CHCHD6: variants seen among roughly 807,000 people sequenced by gnomAD.
CHCHD6 encodes the protein coiled-coil-helix-coiled-coil-helix domain containing 6.
CHCHD6 carries 28 observed loss-of-function variants against 32.3 expected under a neutral mutation model. That is an observed-to-expected ratio of 0.87 (90% confidence interval 0.64 to 1.19). The LOEUF (loss-of-function observed/expected upper bound fraction) is 1.19. Ranked by LOEUF, CHCHD6 falls within the 50% of genes most tolerant of loss-of-function variation. The pLI, the probability that CHCHD6 is intolerant of heterozygous loss-of-function variation, is 0.00. For synonymous variants in CHCHD6, 122 were observed against 117.5 expected (o/e 1.04, Z -0.25); for missense variants, 333 against 307.0 (o/e 1.08, Z -0.63).
At chr3:126,810,585 A>T (rs1261908377) in intron 4 of CHCHD6, among the ~76,000 whole-genome samples, 2 of 152,258 alleles carry the variant, frequency 1.3e-5, no homozygotes, top group African/African-American at 2.4e-5. Context: ...AGAAACAAAC[A>T]GAAAAACTGG....
At chr3:126,799,009 G>C (rs146379425) in intron 4 of CHCHD6, among the ~76,000 whole-genome samples, 8 of 152,176 alleles carry the variant, frequency 5.3e-5, no homozygotes, top group Admixed American at 4.6e-4. Context: ...TATGCCCTCT[G>C]GTGCTGGTGA....
At chr3:126,779,574 G>T (rs1028077974) in intron 4 of CHCHD6, among the ~76,000 whole-genome samples, 1 of 149,592 alleles carries the variant, frequency 6.7e-6, no homozygotes, top group African/African-American at 2.5e-5. Flanking sequence ...TATAGTTTTA[G>T]CTCTTATATT....
At chr3:126,804,913 T>C (rs1425750748) in intron 4 of CHCHD6, among the ~76,000 whole-genome samples, 1 of 152,014 alleles carries the variant, frequency 6.6e-6, no homozygotes, top group African/African-American at 2.4e-5. Context: ...AATCAATAAA[T>C]GTAATCCAGC....
chr3:126,828,064 T>C (rs886659914), intron 4 of CHCHD6, among the ~76,000 whole-genome samples: 4 of 152,132 alleles, frequency 2.6e-5, no homozygotes, highest in African/African-American at 9.7e-5. Context: ...CTCCTTGGCC[T>C]TGTCCCTCTC....
At chr3:126,817,249 G>A (rs1939947084) in intron 4 of CHCHD6, among the ~76,000 whole-genome samples, 1 of 151,942 alleles carries the variant, frequency 6.6e-6, no homozygotes. Flanking sequence ...CTAGAAGCCA[G>A]CAGATCCTTG....
At chr3:126,925,761 C>T (rs1476945896) in intron 6 of CHCHD6, among the ~76,000 whole-genome samples, 2 of 152,226 alleles carry the variant, frequency 1.3e-5, no homozygotes, top group Admixed American at 6.5e-5. Context: ...AACCCCTGCT[C>T]CAGCACCGGG....
chr3:126,716,065 C>T (rs1935000472), intron 1 of CHCHD6, among the ~76,000 whole-genome samples: 1 of 152,176 alleles, frequency 6.6e-6, no homozygotes, highest in Admixed American at 6.5e-5. Context: ...TGCTACCAGC[C>T]CCTTCGTGAT....
chr3:126,815,436 A>C (rs1332507784), intron 4 of CHCHD6, among the ~76,000 whole-genome samples: 3 of 152,104 alleles, frequency 2.0e-5, no homozygotes, highest in Non-Finnish European at 2.9e-5. Flanking sequence ...GTGCTCTCCT[A>C]GTGTGCCCTT....
intron 4 of CHCHD6, among the ~76,000 whole-genome samples, chr3:126,851,350 C>A (rs960751134): frequency 6.6e-6 from 1 of 152,188 alleles, no homozygotes; most frequent in Non-Finnish European, 1.5e-5. Flanking sequence ...TGATTCAAAC[C>A]CATGTGCTGA....
chr3:126,806,745 A>G (rs1939403450), intron 4 of CHCHD6, among the ~76,000 whole-genome samples: 1 of 152,122 alleles, frequency 6.6e-6, no homozygotes, highest in Non-Finnish European at 1.5e-5. Flanking sequence ...AGACATATGC[A>G]CATGTATGTT....
At chr3:126,863,433 C>CTCT (rs1942046780) in intron 5 of CHCHD6, among the ~76,000 whole-genome samples, 1 of 142,736 alleles carries the variant, frequency 7.0e-6, no homozygotes, top group Non-Finnish European at 1.5e-5. Context: ...CCTCCTCCTC[C>CTCT]ACCATCACCT....
chr3:126,772,541 T>C (rs1937562723), intron 4 of CHCHD6, among the ~76,000 whole-genome samples: 1 of 152,188 alleles, frequency 6.6e-6, no homozygotes, highest in Non-Finnish European at 1.5e-5. Context: ...TGTTTTCTCT[T>C]AGATTAGGAT....
At chr3:126,851,543 G>A (rs1044007738) in intron 4 of CHCHD6, among the ~76,000 whole-genome samples, 6 of 152,210 alleles carry the variant, frequency 3.9e-5, no homozygotes, top group Admixed American at 2.0e-4. Flanking sequence ...AGCAGTTGGT[G>A]TTATTCCTCC....
At chr3:126,704,421 G>C (rs762633231) in intron 1 of CHCHD6, 22 bp downstream of exon 1, 3 of 1,487,206 alleles carry the variant, frequency 2.0e-6, no homozygotes, top group Non-Finnish European at 2.7e-6. Flanking sequence ...CGCCTGGGCC[G>C]GGGCGGGCGT....
At chr3:126,766,753 CG>C in intron 4 of CHCHD6, 1 of 1,142,334 alleles carries the variant, frequency 8.8e-7, no homozygotes, top group Non-Finnish European at 1.3e-6. Flanking sequence ...GGTAGATTCA[CG>C]GGAGGTGTTG....
chr3:126,704,676 C>T (rs1466666889), intron 1 of CHCHD6, among the ~76,000 whole-genome samples: 1 of 152,170 alleles, frequency 6.6e-6, no homozygotes, highest in Non-Finnish European at 1.5e-5. Flanking sequence ...CGTCCTGGCT[C>T]CGGTCGGCTT....
In CHCHD6 at chr3:126,772,864, A is replaced by G. The variant is rs117564593; in HGVS notation, c.411+39642A>G. 1.2e-4 allele frequency among the ~76,000 whole-genome samples: 18 copies of G among 152,316 alleles called. No homozygotes were observed. The East Asian group carries it at 3.3e-3, about 28-fold the overall frequency. On this transcript the variant is annotated intron_variant, in intron 4 of 7. Coordinates refer to ENST00000290913, the MANE Select transcript of CHCHD6 (RefSeq NM_032343.3). ...TTGGTGTGTTTTTGTAGTGGCCAGT[A>G]ATAGTCTTTCCTTTCAATATTTGGT...
chr3:126,865,781 A>G (rs904752611), intron 5 of CHCHD6: 17 of 963,550 alleles, frequency 1.8e-5, no homozygotes, highest in Non-Finnish European at 2.1e-5. Context: ...AGTCTCATCT[A>G]CTACTTTGCA....
In CHCHD6 at chr3:126,767,230, T is replaced by C. The variant is rs114855210; in HGVS notation, c.411+34008T>C. On this transcript the variant is annotated intron_variant, in intron 4 of 7. Transcript: ENST00000290913. ...TTTTGGTAATTGGCTGGCCATTGTA[T>C]ATTATCTGTGCGGGGCTGGGGATAG... 1.9e-3 allele frequency: 2,882 copies of C among 1,508,382 alleles called. 46 individuals carry two copies. In the African/African-American group the frequency reaches 0.035, roughly 18 times the overall value. 93.4% of individuals were successfully genotyped at this position (1,508,382 alleles called of 1,614,324 possible). A position where few individuals can be genotyped will look rare whatever the true frequency, so the allele number is the denominator to read the frequency against.
Sources: allele counts gnomAD v4.1 joint callset (sites outside exome capture counted in the v4.1 genomes callset), GRCh38; gene constraint gnomAD v4.1.1; transcripts MANE v1.5; gene names NCBI Gene and HGNC (gene_info 2026-07-23, HGNC 2026-07-21).